The following MAP2K5 variants were observed in gnomAD, a reference collection of about 807,000 sequenced individuals.
MAP2K5 encodes mitogen-activated protein kinase kinase 5, also known as dual specificity mitogen-activated protein kinase kinase 5.
In MAP2K5, 49 loss-of-function variants were observed where a neutral mutation model predicts 83.1. The observed-to-expected ratio is 0.59, with a 90% CI of 0.47 to 0.75. The LOEUF is 0.75. MAP2K5 is among the 30% of genes least tolerant of loss of function. The probability of loss-of-function intolerance (pLI) is 0.00; values close to 1 mark genes in which losing one functional copy is unlikely to be tolerated. For missense variants in MAP2K5, 457 were observed against 557.5 expected, an observed-to-expected ratio of 0.82 and a Z score of 1.82; for synonymous variants, 202 against 191.8, an observed-to-expected ratio of 1.05 and a Z score of -0.44.
intron 15 of MAP2K5, among the ~76,000 whole-genome samples, chr15:67,700,839 ACAAGAGGT>A (rs997385336): frequency 6.6e-6 from 1 of 150,994 alleles, no homozygotes; most frequent in Non-Finnish European, 1.5e-5. Context: ...AATTTCCCCA[ACAAGAGGT>A]CATCAGAATC....
Position 67,572,792 on chromosome 15 carries a change from G to A in MAP2K5, c.253-7962G>A, listed in dbSNP as rs778188346. On this transcript the variant is annotated intron_variant, in intron 3 of 21. Transcript: ENST00000178640. This position sits in a 1 kb window ranked among gnomAD's most constrained non-coding sequence, Gnocchi z 4.2. ...TTGGCTCACTGCAAACTCACCTCTC[G>A]GGTTCAAGTGATTCTCCTGCCTCAA... is the stretch of plus-strand genomic sequence containing the variant. Among the ~76,000 whole-genome samples the A allele has an allele frequency of 4.6e-5, 7 of 151,704 alleles. No homozygotes were observed. The highest frequency in any genetic ancestry group is 2.1e-4 in the South Asian group (1 of 4,800).
intron 4 of MAP2K5, among the ~76,000 whole-genome samples, chr15:67,582,012 G>C (rs2085187472): frequency 6.8e-6 from 1 of 147,164 alleles, no homozygotes; most frequent in South Asian, 2.2e-4. Flanking sequence ...AAAAAGAAAT[G>C]TTGCTATTTC....
At chr15:67,545,114 C>T (rs2084365691) in intron 1 of MAP2K5, among the ~76,000 whole-genome samples, 1 of 152,196 alleles carries the variant, frequency 6.6e-6, no homozygotes, top group African/African-American at 2.4e-5. Context: ...GCTGTCTGCA[C>T]TCTGCTCTTC....
At chr15:67,693,351 AAG>A (rs1286529567) in intron 14 of MAP2K5, among the ~76,000 whole-genome samples, 165 bp from the exon 15 acceptor site, 1 of 151,836 alleles carries the variant, frequency 6.6e-6, no homozygotes, top group African/African-American at 2.4e-5. Context: ...TTCAAAAGAA[AAG>A]AGAGATTTAA....
rs556632185 is a variant in MAP2K5, at chr15:67,652,803, G to A, written c.737-5750G>A. 3.6e-4 allele frequency among the ~76,000 whole-genome samples: 55 copies of A among 152,078 alleles called. No homozygotes were observed. Among genetic ancestry groups the A allele is most frequent in the African/African-American group, 1.1e-3 (47 of 41,456 alleles). The stretch of plus-strand genomic sequence containing the variant: ...AAATAAGAACTCCTCATTCACCCCC[G>A]CTCCCAGCCCCTGGCAAACAGCATT... On this transcript the variant is annotated intron_variant, in intron 11 of 21. Coordinates refer to ENST00000178640, the MANE Select transcript of MAP2K5 (RefSeq NM_145160.3). This position sits in a 1 kb window ranked among gnomAD's most constrained non-coding sequence, Gnocchi z 4.2.
At chr15:67,596,981 C>T (rs2085539813) in intron 7 of MAP2K5, among the ~76,000 whole-genome samples, 1 of 151,982 alleles carries the variant, frequency 6.6e-6, no homozygotes, top group Non-Finnish European at 1.5e-5. Context: ...ACCATCCTGG[C>T]TAACATGGTG....
intron 7 of MAP2K5, 92 bp from the exon 8 acceptor site, chr15:67,600,593 A>G (rs113454344): frequency 1.1e-6 from 1 of 916,242 alleles, no homozygotes; most frequent in South Asian, 1.5e-5. Flanking sequence ...AATGACCCAG[A>G]CTGCTTGTTG....
At position 67,782,650 on chromosome 15, in the gene MAP2K5, C is replaced by G. The variant is rs1299984029; in HGVS notation, c.1242+9898C>G. 3.3e-5 allele frequency among the ~76,000 whole-genome samples: 5 copies of G among 152,170 alleles called. No homozygotes were observed. The highest frequency in any genetic ancestry group is 4.4e-5 in the Non-Finnish European group (3 of 68,026). ...GAATTTAAATTTTGTTTCAATCAAC[C>G]CCTGTGCTCACAGCCTGCTCCAGTT... On this transcript the variant is annotated intron_variant, in intron 21 of 21. Transcript: ENST00000178640. This position sits in a 1 kb window ranked among gnomAD's most constrained non-coding sequence, Gnocchi z 4.9.
intron 21 of MAP2K5, 96 bp from the exon 22 acceptor site, chr15:67,806,548 GAA>G: frequency 1.9e-6 from 2 of 1,059,566 alleles, no homozygotes; most frequent in Non-Finnish European, 2.7e-6. Flanking sequence ...GGTTACTGGG[GAA>G]AGAGATCAGA....
At chr15:67,558,306 C>T (rs566965710) in intron 2 of MAP2K5, among the ~76,000 whole-genome samples, 1 of 152,244 alleles carries the variant, frequency 6.6e-6, no homozygotes, top group Admixed American at 6.5e-5. Context: ...TTTCTATATC[C>T]CATTCATCAG....
chr15:67,581,964 A>T (rs895337574), intron 4 of MAP2K5, among the ~76,000 whole-genome samples: 2 of 152,142 alleles, frequency 1.3e-5, no homozygotes, highest in South Asian at 4.1e-4. Flanking sequence ...TGATTAATCC[A>T]CTTCTGTTGT....
intron 11 of MAP2K5, among the ~76,000 whole-genome samples, chr15:67,655,557 T>C (rs1430723878): frequency 6.6e-6 from 1 of 152,206 alleles, no homozygotes; most frequent in Non-Finnish European, 1.5e-5. Context: ...CTCTGACCTC[T>C]GGTTTCTGAT....
intron 17 of MAP2K5, among the ~76,000 whole-genome samples, chr15:67,730,304 C>T (rs1211679739): frequency 6.6e-6 from 1 of 152,190 alleles, no homozygotes; most frequent in Non-Finnish European, 1.5e-5. Flanking sequence ...ATAACACCTT[C>T]TCTTTGGCCC....
At chr15:67,592,254 C>G (rs879781081) in intron 6 of MAP2K5, among the ~76,000 whole-genome samples, 4 of 151,836 alleles carry the variant, frequency 2.6e-5, no homozygotes, top group Middle Eastern at 3.2e-3. Context: ...AAAGGAAAAC[C>G]AGCTAAAATT....
chr15:67,653,103 C>T (rs1424506155), intron 11 of MAP2K5, among the ~76,000 whole-genome samples: 2 of 152,002 alleles, frequency 1.3e-5, no homozygotes, highest in African/African-American at 4.8e-5. Context: ...CAGAATTAAT[C>T]TGTTTCATCT....
At chr15:67,759,547 G>A (rs1596924835) in intron 19 of MAP2K5, among the ~76,000 whole-genome samples, 1 of 134,950 alleles carries the variant, frequency 7.4e-6, no homozygotes, top group African/African-American at 2.9e-5. Context: ...ATGACAGAGC[G>A]AGACTGTGTC....
chr15:67,776,924 C>G lies in MAP2K5; in HGVS notation c.1242+4172C>G, dbSNP rs1452045040. On this transcript the variant is annotated intron_variant, in intron 21 of 21. Coordinates refer to ENST00000178640, the MANE Select transcript of MAP2K5 (RefSeq NM_145160.3). ...CAAAACCGAGGGGGCAGCCCTTGAC[C>G]AATGGTCTGTGACTTTAGGAAGTCA... Among the ~76,000 whole-genome samples the G allele has an allele frequency of 7.9e-5, 12 of 152,316 alleles. No individual in the cohort carries two copies. In the South Asian group the frequency reaches 2.1e-3, roughly 26 times the overall value.
rs2088797965 is a variant in MAP2K5, at chr15:67,715,122, A to G, written c.1044+11714A>G. Among the ~76,000 whole-genome samples, 3 of 152,122 alleles carry G rather than the reference A, an allele frequency of 2.0e-5. No homozygotes were observed. The South Asian group carries it at 6.2e-4, about 32-fold the overall frequency. ...TGTCATGGGTCCTCCCCTCCCACTG[A>G]AGGATGCTGAGGAAAAGAACATGTA... is the stretch of plus-strand genomic sequence containing the variant. On this transcript the variant is annotated intron_variant, in intron 16 of 21. Transcript: ENST00000178640.
intron 8 of MAP2K5, among the ~76,000 whole-genome samples, chr15:67,613,300 A>G (rs1410097677): frequency 6.6e-6 from 1 of 152,228 alleles, no homozygotes; most frequent in Non-Finnish European, 1.5e-5. Context: ...CTCAATAGCT[A>G]TTCCTAAGAC....
Sources: allele counts gnomAD v4.1 joint callset (sites outside exome capture counted in the v4.1 genomes callset), GRCh38; gene constraint gnomAD v4.1.1; non-coding constraint Gnocchi (gnomAD v3.1); transcripts MANE v1.5; gene names NCBI Gene and HGNC (gene_info 2026-07-23, HGNC 2026-07-21).